The following RIT2 variants were observed in gnomAD, a reference collection of about 807,000 sequenced individuals.
RIT2 encodes Ras like without CAAX 2.
A neutral mutation model predicts 23.7 loss-of-function variants in RIT2; 24 were observed. The observed-to-expected ratio is 1.01, with a 90% CI of 0.73 to 1.43. The LOEUF (loss-of-function observed/expected upper bound fraction) is 1.43, where lower values mean the gene tolerates loss of function less well. RIT2 is among the 40% of genes most tolerant of loss of function. The pLI, the probability that RIT2 is intolerant of heterozygous loss-of-function variation, is 0.00. For synonymous variants in RIT2, 107 were observed against 91.1 expected, an observed-to-expected ratio of 1.17 and a Z score of -0.99; for missense variants, 236 against 266.9, an observed-to-expected ratio of 0.88 and a Z score of 0.81.
At chr18:42,914,910 G>A (rs971325160) in intron 4 of RIT2, among the ~76,000 whole-genome samples, 1 of 151,752 alleles carries the variant, frequency 6.6e-6, no homozygotes. Context: ...ATACACATTT[G>A]TTTGTAACTT....
intron 1 of RIT2, among the ~76,000 whole-genome samples, chr18:43,083,919 A>G (rs1266163202): frequency 6.6e-6 from 1 of 152,204 alleles, no homozygotes; most frequent in Admixed American, 6.5e-5. Flanking sequence ...CTGCACAGCA[A>G]AAGAAACTAT....
At chr18:43,086,974 G>C (rs1913297884) in intron 1 of RIT2, among the ~76,000 whole-genome samples, 1 of 152,106 alleles carries the variant, frequency 6.6e-6, no homozygotes, top group Admixed American at 6.6e-5. Flanking sequence ...TCATGGCTGG[G>C]CATGGTGGTT....
intron 4 of RIT2, among the ~76,000 whole-genome samples, chr18:42,824,658 T>C (rs1411325901): frequency 6.6e-6 from 1 of 152,026 alleles, no homozygotes; most frequent in Non-Finnish European, 1.5e-5. Context: ...AAAATCCATT[T>C]GAAGCAGTGG....
Position 42,825,514 on chromosome 18 carries a change from C to T in RIT2, c.427-81794G>A, listed in dbSNP as rs1170736784. Among the ~76,000 whole-genome samples, 5 of 151,832 alleles carry T rather than the reference C, an allele frequency of 3.3e-5. No homozygotes were observed. In the East Asian group the frequency reaches 7.7e-4, roughly 23 times the overall value. On this transcript the variant is annotated intron_variant, in intron 4 of 4. Transcript: ENST00000326695. ...AGTATACATTGTTTGAGTACTAAAA[C>T]ATATTTGATTAAAAAAATTTGTAGA...
intron 1 of RIT2, among the ~76,000 whole-genome samples, chr18:43,113,937 A>C (rs1050208442): frequency 2.6e-5 from 4 of 151,614 alleles, no homozygotes; most frequent in Non-Finnish European, 5.9e-5. Flanking sequence ...CACATTGTTT[A>C]TTTCTTTCTT....
chr18:42,967,536 A>AT (rs397940927), intron 3 of RIT2, among the ~76,000 whole-genome samples: 6,918 of 80,576 alleles, frequency 0.086, 760 homozygotes, highest in East Asian at 0.23. Flanking sequence ...CGCCCGGCTA[A>AT]TTTTTTTTTT....
chr18:42,976,754 A>C (rs1311073738), intron 2 of RIT2, among the ~76,000 whole-genome samples: 1 of 152,094 alleles, frequency 6.6e-6, no homozygotes, highest in East Asian at 1.9e-4. Flanking sequence ...TGCATTTTAG[A>C]ATGCTCGCTC....
chr18:43,004,191 G>A (rs964286677), intron 2 of RIT2, among the ~76,000 whole-genome samples: 4 of 151,784 alleles, frequency 2.6e-5, no homozygotes, highest in Admixed American at 2.6e-4. Context: ...CTGCCTCTGA[G>A]AGTGGGGACC....
At chr18:42,789,796 A>G (rs1406175577) in intron 4 of RIT2, among the ~76,000 whole-genome samples, 1 of 152,154 alleles carries the variant, frequency 6.6e-6, no homozygotes, top group Non-Finnish European at 1.5e-5. Flanking sequence ...CTCTTTTCCA[A>G]TCTGGATGTT....
At chr18:42,979,179 T>C (rs1057131542) in intron 2 of RIT2, among the ~76,000 whole-genome samples, 1 of 152,098 alleles carries the variant, frequency 6.6e-6, no homozygotes, top group African/African-American at 2.4e-5. Context: ...TAAGGTATTC[T>C]GGATAATTTT....
intron 4 of RIT2, among the ~76,000 whole-genome samples, chr18:42,841,874 T>C (rs1906776354): frequency 6.6e-6 from 1 of 152,180 alleles, no homozygotes; most frequent in African/African-American, 2.4e-5. Flanking sequence ...TTGATCTCTC[T>C]TCTCACTCAG....
intron 4 of RIT2, among the ~76,000 whole-genome samples, chr18:42,913,197 C>CTAAAA (rs1568028683): frequency 2.9e-5 from 3 of 103,330 alleles, no homozygotes; most frequent in African/African-American, 9.6e-5. Context: ...ATCCATCAGC[C>CTAAAA]AAAAAAAAAA....
rs60962443 is a variant in RIT2, at chr18:42,850,076, C to CGTGTGTGTGTGT, written c.426+73484_426+73495dup. Among the ~76,000 whole-genome samples, 591 of 142,726 alleles carry CGTGTGTGTGTGT rather than the reference C, an allele frequency of 4.1e-3. 2 individuals are homozygous for CGTGTGTGTGTGT. Among genetic ancestry groups the CGTGTGTGTGTGT allele is most frequent in the African/African-American group, 0.014 (543 of 38,952 alleles). The allele number at this position is 142,726 out of a possible 152,430, so 93.6% of individuals were successfully genotyped here. On this transcript the variant is annotated intron_variant, in intron 4 of 4. Transcript: ENST00000326695. ...TTTTAATTTAAGAAAAAAATACACC[C>CGTGTGTGTGTGT]GTGTGTGTGTGTGTGTGTGTGTGTG...
chr18:42,882,443 C>T (rs1459141962), intron 4 of RIT2, among the ~76,000 whole-genome samples: 1 of 152,182 alleles, frequency 6.6e-6, no homozygotes, highest in Admixed American at 6.5e-5. Context: ...TCTGACTGTC[C>T]ATATGCTTTA....
At chr18:42,794,950 A>G (rs1914122930) in intron 4 of RIT2, among the ~76,000 whole-genome samples, 1 of 152,248 alleles carries the variant, frequency 6.6e-6, no homozygotes, top group Non-Finnish European at 1.5e-5. Context: ...CATGAAAAAA[A>G]TCTTTAATAT....
At chr18:42,758,125 G>A (rs1913208564) in intron 4 of RIT2, among the ~76,000 whole-genome samples, 1 of 150,798 alleles carries the variant, frequency 6.6e-6, no homozygotes, top group African/African-American at 2.4e-5. Context: ...ACTATTTTTA[G>A]TGCCCAGTTC....
intron 4 of RIT2, among the ~76,000 whole-genome samples, chr18:42,853,433 T>G (rs1020358071): frequency 2.0e-5 from 3 of 152,238 alleles, no homozygotes; most frequent in African/African-American, 4.8e-5. Context: ...TCATTTGGAA[T>G]AAATTAATAA....
At position 42,923,516 on chromosome 18, in the gene RIT2, G is replaced by A. The variant is rs1909103073; in HGVS notation, c.426+56C>T. The A allele has an allele frequency of 2.0e-5, 28 of 1,420,648 alleles. 1 individual carries two copies. The East Asian group carries it at 6.0e-4, about 30-fold the overall frequency. 88.0% of individuals were successfully genotyped at this position (1,420,648 alleles called of 1,614,324 possible). A position where few individuals can be genotyped will look rare whatever the true frequency, so the allele number is the denominator to read the frequency against. On this transcript the variant is annotated intron_variant, in intron 4 of 4. Coordinates refer to ENST00000326695, the MANE Select transcript of RIT2 (RefSeq NM_002930.4). ...GAACCTGGGAAAGCAGCCATATTTT[G>A]TACTATGCATCCTCAGAGCAAAAGA...
intron 1 of RIT2, among the ~76,000 whole-genome samples, chr18:43,106,507 C>T (rs1913825996): frequency 6.6e-6 from 1 of 151,836 alleles, no homozygotes; most frequent in African/African-American, 2.4e-5. Context: ...CATTGTAAGA[C>T]CACAAATTAT....
Sources: gnomAD v4.1 joint callset for allele counts (sites outside exome capture counted in the v4.1 genomes callset) on GRCh38, gnomAD v4.1.1 for gene constraint, MANE v1.5 for transcripts, NCBI Gene and HGNC (gene_info 2026-07-23, HGNC 2026-07-21) for gene names.